ELMO1: variants seen among roughly 807,000 people sequenced by gnomAD.
ELMO1 encodes the protein engulfment and cell motility 1, also known as engulfment and cell motility protein 1.
Under a neutral mutation model 98.9 loss-of-function variants are expected in ELMO1, and 26 were observed. The ratio of observed to expected loss-of-function variants is 0.26; its 90% CI spans 0.19 to 0.36. The LOEUF (loss-of-function observed/expected upper bound fraction) is 0.36. ELMO1 is among the 10% of genes least tolerant of loss of function. The pLI is 1.00. For missense variants in ELMO1, 627 were observed against 935.2 expected, an observed-to-expected ratio of 0.67 and a Z score of 4.30; for synonymous variants, 346 against 346.0, an observed-to-expected ratio of 1.00 and a Z score of 0.00.
intron 16 of ELMO1, among the ~76,000 whole-genome samples, chr7:36,960,878 T>A (rs1176079708): frequency 6.6e-6 from 1 of 152,168 alleles, no homozygotes; most frequent in Admixed American, 6.5e-5. Context: ...CACCGCCTCC[T>A]CCAGCATCCC....
chr7:37,120,753 T>C (rs1305551471), intron 14 of ELMO1, among the ~76,000 whole-genome samples: 1 of 152,190 alleles, frequency 6.6e-6, no homozygotes, highest in Non-Finnish European at 1.5e-5. Context: ...TAAATGTGCC[T>C]GTCTGACAGC....
intron 1 of ELMO1, among the ~76,000 whole-genome samples, chr7:37,422,247 A>T (rs1804505278): frequency 6.6e-6 from 1 of 152,258 alleles, no homozygotes; most frequent in African/African-American, 2.4e-5. Context: ...TATGCATAGC[A>T]TCGAGGAATA....
At chr7:37,425,096 C>T (rs1372470585) in intron 1 of ELMO1, among the ~76,000 whole-genome samples, 1 of 152,100 alleles carries the variant, frequency 6.6e-6, no homozygotes, top group African/African-American at 2.4e-5. Context: ...TTAGTCAATT[C>T]AGGATGCTCT....
chr7:37,287,191 T>C (rs1797434701), intron 4 of ELMO1, among the ~76,000 whole-genome samples: 1 of 145,096 alleles, frequency 6.9e-6, no homozygotes. Context: ...AGAGACTCCT[T>C]CTCAAAAAAA....
rs115829782 is a variant in ELMO1, at chr7:37,408,333, C to T, written c.-74+40342G>A. 1.9e-3 allele frequency among the ~76,000 whole-genome samples: 294 copies of T among 152,284 alleles called. 1 individual carries two copies. Among genetic ancestry groups the T allele is most frequent in the African/African-American group, 7.0e-3 (290 of 41,546 alleles). The stretch of plus-strand genomic sequence containing the variant: ...CCTGATTGTGCATCACTGTCTAAGA[C>T]ACATTGGAAAAAAGATGACAAAGAA... On this transcript the variant is annotated intron_variant, in intron 1 of 21. Transcript: ENST00000310758.
At chr7:37,400,959 T>A (rs2131458032) in intron 1 of ELMO1, among the ~76,000 whole-genome samples, 1 of 152,304 alleles carries the variant, frequency 6.6e-6, no homozygotes, top group African/African-American at 2.4e-5. Flanking sequence ...AATAGCCTTG[T>A]CTCATCTTGG....
chr7:36,973,032 C>T (rs866570313), intron 16 of ELMO1, among the ~76,000 whole-genome samples: 13 of 152,196 alleles, frequency 8.5e-5, no homozygotes, highest in South Asian at 4.1e-4. Flanking sequence ...CTACCTACCT[C>T]GGCCTCCCAA....
intron 16 of ELMO1, among the ~76,000 whole-genome samples, chr7:36,942,539 AT>A (rs1787130269): frequency 6.6e-6 from 1 of 152,202 alleles, no homozygotes; most frequent in Non-Finnish European, 1.5e-5. Flanking sequence ...ATGGATGGGG[AT>A]TTCAGGAGGG....
intron 2 of ELMO1, among the ~76,000 whole-genome samples, chr7:37,323,967 A>T (rs1799654460): frequency 6.6e-6 from 1 of 151,936 alleles, no homozygotes; most frequent in African/African-American, 2.4e-5. Flanking sequence ...TCACTCTCTC[A>T]CTCAGAGTAT....
At chr7:37,332,753 C>G (rs1583569075) in intron 2 of ELMO1, among the ~76,000 whole-genome samples, 1 of 152,200 alleles carries the variant, frequency 6.6e-6, no homozygotes, top group East Asian at 1.9e-4. Context: ...AGTGCACTGG[C>G]AAGAGCTGGG....
chr7:36,949,751 T>C (rs1192888446), intron 16 of ELMO1, among the ~76,000 whole-genome samples: 1 of 152,042 alleles, frequency 6.6e-6, no homozygotes, highest in Non-Finnish European at 1.5e-5. Flanking sequence ...TGTAGAATGT[T>C]TAGCAGCATA....
intron 1 of ELMO1, among the ~76,000 whole-genome samples, chr7:37,371,862 T>C (rs77840275): frequency 0.061 from 9,238 of 152,238 alleles, 375 homozygotes; most frequent in Non-Finnish European, 0.088. Context: ...CCGATTTCCG[T>C]TGCTTGAGGT....
At chr7:36,942,230 T>G (rs1052152692) in intron 16 of ELMO1, among the ~76,000 whole-genome samples, 3 of 152,064 alleles carry the variant, frequency 2.0e-5, no homozygotes, top group African/African-American at 7.2e-5. Flanking sequence ...CAAAGAATAG[T>G]AAAGGCCACT....
intron 16 of ELMO1, among the ~76,000 whole-genome samples, chr7:36,934,136 G>C (rs1313793408): frequency 6.6e-6 from 1 of 152,182 alleles, no homozygotes; most frequent in Non-Finnish European, 1.5e-5. Context: ...GCAAGGGAGA[G>C]TAAGTTCTTG....
At chr7:37,314,804 C>A in intron 4 of ELMO1, 46 bp downstream of exon 4, 1 of 1,558,816 alleles carries the variant, frequency 6.4e-7, no homozygotes, top group Non-Finnish European at 8.8e-7. Flanking sequence ...TCATGATTTA[C>A]TTTCCTTCAA....
chr7:36,936,969 G>T (rs1237140171), intron 16 of ELMO1, among the ~76,000 whole-genome samples: 4 of 152,172 alleles, frequency 2.6e-5, no homozygotes, highest in African/African-American at 7.2e-5. Flanking sequence ...TCAATTAGGG[G>T]GTTCTCCCAG....
chr7:37,171,464 C>A (rs1790147143), intron 13 of ELMO1, among the ~76,000 whole-genome samples: 3 of 91,270 alleles, frequency 3.3e-5, no homozygotes, highest in Admixed American at 1.1e-4. Context: ...TTAGTTTATT[C>A]TTGTAACCAG....
chr7:37,133,808 T>C (rs1192604370), intron 13 of ELMO1, among the ~76,000 whole-genome samples: 8 of 152,172 alleles, frequency 5.3e-5, no homozygotes, highest in Non-Finnish European at 1.0e-4. Context: ...ATCTGCCTGC[T>C]CTCAGGAAGT....
In ELMO1 at chr7:37,438,524, C is replaced by T. The variant is rs550272378; in HGVS notation, c.-74+10151G>A. 3.3e-5 allele frequency among the ~76,000 whole-genome samples: 5 copies of T among 151,804 alleles called. No homozygotes were observed. The South Asian group carries it at 6.2e-4, about 19-fold the overall frequency. On this transcript the variant is annotated intron_variant, in intron 1 of 21. Coordinates refer to ENST00000310758, the MANE Select transcript of ELMO1 (RefSeq NM_014800.11). ...CTGGGGCAGGAGAATGGCGTGAACC[C>T]GGGAGGCGGAGATTGCAGTGAGCCG...
Sources: gnomAD v4.1 joint callset for allele counts (sites outside exome capture counted in the v4.1 genomes callset) on GRCh38, gnomAD v4.1.1 for gene constraint, MANE v1.5 for transcripts, NCBI Gene and HGNC (gene_info 2026-07-23, HGNC 2026-07-21) for gene names.